Variants in SVEP1 observed in about 807,000 individuals in gnomAD.
SVEP1 encodes the protein sushi, von Willebrand factor type A, EGF and pentraxin domain-containing protein 1.
In SVEP1, 164 loss-of-function variants were observed where a neutral mutation model predicts 367.3. That is an observed-to-expected ratio of 0.45 (90% CI 0.39 to 0.51). The LOEUF is 0.51. Ranked by LOEUF, SVEP1 falls within the 20% of genes least tolerant of loss-of-function variation. The pLI is 0.00. For missense variants in SVEP1, 4,117 were observed against 4,425.3 expected (o/e 0.93, Z 1.98); for synonymous variants, 1,666 against 1,611.6 (o/e 1.03, Z -0.81).
At chr9:110,541,025 G>A (rs1299747974) in intron 3 of SVEP1, among the ~76,000 whole-genome samples, 2 of 152,128 alleles carry the variant, frequency 1.3e-5, no homozygotes, top group Non-Finnish European at 2.9e-5. Flanking sequence ...TTGGTCTCAA[G>A]GGTACCTGTG....
intron 13 of SVEP1, 72 bp from the exon 14 acceptor site, chr9:110,476,387 C>T: frequency 1.7e-6 from 2 of 1,171,512 alleles, no homozygotes; most frequent in Non-Finnish European, 2.5e-6. Flanking sequence ...ACTTTGCTCC[C>T]CTGGCCTTCA....
intron 42 of SVEP1, among the ~76,000 whole-genome samples, chr9:110,386,405 G>A (rs183282629): frequency 1.5e-4 from 23 of 152,178 alleles, no homozygotes; most frequent in Middle Eastern, 3.4e-3. Flanking sequence ...GAAAACAAAA[G>A]GCATACTAGA....
At chr9:110,423,714 G>A (rs971389435) in intron 36 of SVEP1, among the ~76,000 whole-genome samples, 5 of 152,146 alleles carry the variant, frequency 3.3e-5, no homozygotes, top group Admixed American at 6.5e-5. Flanking sequence ...GAGTAAAAAC[G>A]AAGCCACAGA....
chr9:110,530,208 A>T (rs756530991), intron 3 of SVEP1, among the ~76,000 whole-genome samples: 4 of 152,190 alleles, frequency 2.6e-5, no homozygotes, highest in Non-Finnish European at 5.9e-5. Flanking sequence ...GATGAAACCC[A>T]GTTGATTAAA....
chr9:110,388,660 G>A (rs978486451), intron 41 of SVEP1, among the ~76,000 whole-genome samples: 1 of 152,078 alleles, frequency 6.6e-6, no homozygotes, highest in African/African-American at 2.4e-5. Context: ...AAACCACATA[G>A]GGAGCTTTAA....
chr9:110,449,690 T>TA (rs979672138), intron 24 of SVEP1, among the ~76,000 whole-genome samples: 47 of 151,892 alleles, frequency 3.1e-4, no homozygotes, highest in African/African-American at 1.1e-3. Flanking sequence ...TCTCAGAAAA[T>TA]AAAAAAATAA....
At chr9:110,547,920 G>C (rs991538138) in intron 2 of SVEP1, among the ~76,000 whole-genome samples, 1 of 152,102 alleles carries the variant, frequency 6.6e-6, no homozygotes, top group Non-Finnish European at 1.5e-5. Flanking sequence ...AATAAATGTG[G>C]TGTCTCCTAA....
intron 14 of SVEP1, 52 bp downstream of exon 14, chr9:110,476,149 ATTC>A (rs1463391823): frequency 9.0e-7 from 1 of 1,108,608 alleles, no homozygotes. Flanking sequence ...TTCTGGAATT[ATTC>A]TTATTTTGCA....
At chr9:110,553,220 T>C (rs1830313503) in intron 1 of SVEP1, among the ~76,000 whole-genome samples, 1 of 152,238 alleles carries the variant, frequency 6.6e-6, no homozygotes, top group African/African-American at 2.4e-5. Context: ...GAGCTTCACG[T>C]CAACTACAGG....
intron 27 of SVEP1, among the ~76,000 whole-genome samples, chr9:110,440,307 C>T (rs1828494191): frequency 6.6e-6 from 1 of 152,186 alleles, no homozygotes; most frequent in Non-Finnish European, 1.5e-5. Flanking sequence ...AACCATTCTT[C>T]CTCACACAAA....
At chr9:110,438,944 ACT>A (rs1352522949) in intron 27 of SVEP1, among the ~76,000 whole-genome samples, 4 of 152,082 alleles carry the variant, frequency 2.6e-5, no homozygotes, top group African/African-American at 9.7e-5. Context: ...TAGACCTTAA[ACT>A]CAGTATGTCG....
intron 22 of SVEP1, among the ~76,000 whole-genome samples, chr9:110,454,129 T>C (rs1828740988): frequency 1.3e-5 from 2 of 152,120 alleles, no homozygotes; most frequent in African/African-American, 4.8e-5. Context: ...AGATGCATAG[T>C]TTTCAAATAT....
chr9:110,493,116 G>A (rs1214713856), intron 8 of SVEP1, among the ~76,000 whole-genome samples: 1 of 152,050 alleles, frequency 6.6e-6, no homozygotes, highest in Non-Finnish European at 1.5e-5. Context: ...GGGGTTTTGA[G>A]AGGTTGTGGG....
At chr9:110,434,064 A>G (rs557082442) in intron 30 of SVEP1, among the ~76,000 whole-genome samples, 28 of 152,290 alleles carry the variant, frequency 1.8e-4, no homozygotes, top group African/African-American at 6.0e-4. Flanking sequence ...TGACCCATCT[A>G]TCTCTGGGCC....
intron 1 of SVEP1, among the ~76,000 whole-genome samples, chr9:110,560,339 C>T (rs137936854): frequency 6.6e-6 from 1 of 152,218 alleles, no homozygotes; most frequent in Non-Finnish European, 1.5e-5. Context: ...CCTAATGATG[C>T]TTTTCTCAGA....
chr9:110,423,341 G>A (rs1828204962), intron 36 of SVEP1, among the ~76,000 whole-genome samples: 1 of 152,000 alleles, frequency 6.6e-6, no homozygotes, highest in Non-Finnish European at 1.5e-5. Flanking sequence ...GTAGAAACAT[G>A]AAACTCAAAT....
intron 35 of SVEP1, among the ~76,000 whole-genome samples, chr9:110,428,696 C>T (rs1036987751): frequency 5.3e-5 from 8 of 152,078 alleles, no homozygotes; most frequent in Non-Finnish European, 8.8e-5. Flanking sequence ...AGGTAGGCCT[C>T]GGGAAGCATA....
chr9:110,479,703 C>G lies in SVEP1; in HGVS notation c.2419G>C (p.Ala807Pro). The change falls in exon 13 of 48, where the codon GCT (alanine) becomes CCT (proline). Residue 807 changes from alanine (A) to proline (P), a missense_variant. Physicochemically the swap from Ala to Pro is conservative, Grantham distance 27. This residue lies in a region of SVEP1 where 2,174 missense variants were observed against 2,494.3 expected (regional missense o/e 0.87). Coordinates refer to ENST00000374469, the MANE Select transcript of SVEP1 (RefSeq NM_153366.4). ...ATCAGATCTGTGTCATCACAACGAG[C>G]TGCTTTGTAGAACATCTCAAAGGAC... is the stretch of plus-strand genomic sequence containing the variant. ...FKSFEMFYKA[A>P]RCDDTDLMKK... The G allele has an allele frequency of 6.2e-7, 1 of 1,611,026 alleles. No individual in the cohort carries two copies. The highest frequency in any genetic ancestry group is 8.5e-7 in the Non-Finnish European group (1 of 1,178,994).
rs765839154 is a variant in SVEP1, at chr9:110,513,962, C to T, written c.1109G>A (p.Gly370Asp). ...GGGAGACTCACGTTCACAGGTCTGG[C>T]CAGATGCCCTGTATCCCTCTCTGCA... ...CVCREGYRAS[G>D]QTCELVHCPA... The change falls in exon 4 of 48, where the codon GGC (glycine) becomes GAC (aspartate). Residue 370 changes from glycine (G) to aspartate (D), a missense_variant. Gly to Asp is a moderately conservative substitution (Grantham distance 94). Around this residue, in one of 4 missense-constraint regions of SVEP1, gnomAD observed 2,174 missense variants for 2,494.3 expected, o/e 0.87. Transcript: ENST00000374469. 5.6e-6 allele frequency: 9 copies of T among 1,612,828 alleles called. No individual in the cohort carries two copies. In the South Asian group the frequency reaches 9.9e-5, roughly 18 times the overall value.
Sources: gnomAD v4.1 joint callset for allele counts (sites outside exome capture counted in the v4.1 genomes callset) on GRCh38, gnomAD v4.1.1 for gene constraint, gnomAD v4.1.1 regional missense constraint, MANE v1.5 for transcripts, NCBI Gene and HGNC (gene_info 2026-07-23, HGNC 2026-07-21) for gene names.